THSD4: variants seen among roughly 807,000 people sequenced by gnomAD.
THSD4 encodes thrombospondin type 1 domain containing 4.
Under a neutral mutation model 119.0 loss-of-function variants are expected in THSD4, and 69 were observed. That is an observed-to-expected ratio of 0.58 (90% CI 0.48 to 0.71). The LOEUF (loss-of-function observed/expected upper bound fraction) is 0.71. THSD4 is among the 30% of genes least tolerant of loss of function. The pLI, the probability that THSD4 is intolerant of heterozygous loss-of-function variation, is 0.00. For synonymous variants in THSD4, 524 were observed against 540.4 expected, an observed-to-expected ratio of 0.97 and a Z score of 0.42; for missense variants, 1,393 against 1,391.1, an observed-to-expected ratio of 1.00 and a Z score of -0.02.
intron 7 of THSD4, among the ~76,000 whole-genome samples, chr15:71,434,829 T>G (rs1446498596): frequency 2.0e-5 from 3 of 152,182 alleles, no homozygotes. Context: ...TAGATTTCAA[T>G]GGGGACAAAC....
rs372535873 is a variant in THSD4, at chr15:71,546,025, C to T, written c.1153-114505C>T. Among the ~76,000 whole-genome samples the T allele has an allele frequency of 5.9e-5, 9 of 152,284 alleles. No homozygotes were observed. The East Asian group carries it at 1.7e-3, about 29-fold the overall frequency. Reference sequence around the variant, plus strand: ...TACTTATTTCAGATCAAAGAGAAAGCCTGTGTCTTTAGTAGTTACTGTGTG... The same window carrying T: ...TACTTATTTCAGATCAAAGAGAAAGTCTGTGTCTTTAGTAGTTACTGTGTG... On this transcript the variant is annotated intron_variant, in intron 7 of 17. Coordinates refer to ENST00000261862, the MANE Select transcript of THSD4 (RefSeq NM_024817.3).
chr15:71,124,608 A>G (rs988972655), intron 1 of THSD4, among the ~76,000 whole-genome samples: 8 of 152,232 alleles, frequency 5.3e-5, no homozygotes, highest in African/African-American at 1.9e-4. Flanking sequence ...TGGTACCAAC[A>G]TAGGCGGTTC....
chr15:71,452,654 C>T (rs200179977), intron 7 of THSD4, among the ~76,000 whole-genome samples: 4 of 151,892 alleles, frequency 2.6e-5, no homozygotes, highest in Non-Finnish European at 5.9e-5. Flanking sequence ...TTGCTCTTGT[C>T]GCTCAGGCTG....
At chr15:71,774,400 T>C (rs1429350030) in intron 17 of THSD4, among the ~76,000 whole-genome samples, 1 of 151,894 alleles carries the variant, frequency 6.6e-6, no homozygotes, top group East Asian at 1.9e-4. Context: ...TGGGAGTCCA[T>C]GTTTTTCCAT....
intron 5 of THSD4, 78 bp from the exon 6 acceptor site, chr15:71,256,535 T>C: frequency 9.6e-7 from 1 of 1,039,858 alleles, no homozygotes; most frequent in Non-Finnish European, 1.4e-6. Flanking sequence ...GTTGGAAAGG[T>C]ATCCAGGGTT....
At chr15:71,357,001 T>C (rs762498247) in intron 6 of THSD4, among the ~76,000 whole-genome samples, 5 of 152,108 alleles carry the variant, frequency 3.3e-5, no homozygotes, top group Non-Finnish European at 7.3e-5. Context: ...GACATTGGCC[T>C]TGTGGATTTG....
chr15:71,754,813 C>A (rs1454061913), intron 14 of THSD4, among the ~76,000 whole-genome samples: 1 of 105,884 alleles, frequency 9.4e-6, no homozygotes, highest in Non-Finnish European at 2.4e-5. Context: ...GAAGTGACAA[C>A]CCCAGAGAAG....
chr15:71,777,463 C>G lies in THSD4; in HGVS notation c.*89C>G. The G allele has an allele frequency of 1.3e-6, 2 of 1,503,108 alleles. No homozygotes were observed. The highest frequency in any genetic ancestry group is 8.9e-7 in the Non-Finnish European group (1 of 1,125,514). 93.1% of individuals were successfully genotyped at this position (1,503,108 alleles called of 1,614,324 possible). On this transcript the variant is annotated 3_prime_UTR_variant, in exon 18 of 18. Transcript: ENST00000261862. ...TGGCTGGCTGCTGCTCCACCACGGG[C>G]CCCCTGGCCCAGGCGCTGCCAACCA...
chr15:71,123,848 T>G (rs1316402587), intron 1 of THSD4, among the ~76,000 whole-genome samples: 2 of 152,220 alleles, frequency 1.3e-5, no homozygotes, highest in African/African-American at 4.8e-5. Flanking sequence ...TAATTCAGAC[T>G]TTTCCCCCTA....
At chr15:71,414,666 G>A (rs778900448) in intron 7 of THSD4, among the ~76,000 whole-genome samples, 2 of 152,192 alleles carry the variant, frequency 1.3e-5, no homozygotes, top group Admixed American at 6.5e-5. Flanking sequence ...ATGTCTATTA[G>A]CTGATGATAT....
intron 7 of THSD4, among the ~76,000 whole-genome samples, chr15:71,469,285 C>T (rs1386159326): frequency 6.6e-6 from 1 of 152,204 alleles, no homozygotes; most frequent in Non-Finnish European, 1.5e-5. Context: ...GTTGTCATGG[C>T]TTTGTCCTCA....
chr15:71,415,049 T>C (rs1002488302), intron 7 of THSD4, among the ~76,000 whole-genome samples: 1 of 152,280 alleles, frequency 6.6e-6, no homozygotes, highest in African/African-American at 2.4e-5. Context: ...TTGATTTCTC[T>C]ACTTCTCTGA....
intron 7 of THSD4, among the ~76,000 whole-genome samples, chr15:71,657,929 T>A (rs997875380): frequency 6.6e-6 from 1 of 152,254 alleles, no homozygotes. Flanking sequence ...CTATCCATGC[T>A]AGTGTAATTT....
chr15:71,104,561 G>A lies in THSD4; in HGVS notation c.-80+7555G>A, dbSNP rs1176266488. 3.3e-5 allele frequency among the ~76,000 whole-genome samples: 5 copies of A among 152,328 alleles called. No homozygotes were observed. The East Asian group carries it at 9.6e-4, about 29-fold the overall frequency. The stretch of plus-strand genomic sequence containing the variant: ...AGGTTTCTTCTGAGCCAATATGAGT[G>A]ACCATGGCCTAGAGAACACAGTCTC... On this transcript the variant is annotated intron_variant, in intron 1 of 17. Coordinates refer to the THSD4 transcript ENST00000355327.
At chr15:71,478,776 G>C (rs905813328) in intron 7 of THSD4, among the ~76,000 whole-genome samples, 2 of 152,300 alleles carry the variant, frequency 1.3e-5, no homozygotes, top group African/African-American at 4.8e-5. Flanking sequence ...CAAATGAGGG[G>C]ACCACAAAGG....
At chr15:71,259,690 T>A (rs776639512) in intron 6 of THSD4, among the ~76,000 whole-genome samples, 1 of 152,208 alleles carries the variant, frequency 6.6e-6, no homozygotes, top group Non-Finnish European at 1.5e-5. Context: ...TGGTCTGGGA[T>A]GCAGTCTGAA....
chr15:71,106,867 TA>T (rs35886943), intron 1 of THSD4, among the ~76,000 whole-genome samples: 2,847 of 144,360 alleles, frequency 0.02, 87 homozygotes, highest in African/African-American at 0.063. Flanking sequence ...CTACCAGCTT[TA>T]AAAAAAAAAA....
At chr15:71,412,046 T>G (rs537596616) in intron 7 of THSD4, among the ~76,000 whole-genome samples, 1 of 152,308 alleles carries the variant, frequency 6.6e-6, no homozygotes, top group African/African-American at 2.4e-5. Context: ...GCATTCCCAT[T>G]ATTAAGTGAT....
intron 7 of THSD4, among the ~76,000 whole-genome samples, chr15:71,570,828 A>G (rs537042325): frequency 6.6e-6 from 1 of 152,276 alleles, no homozygotes; most frequent in South Asian, 2.1e-4. Context: ...CTTGTCTGGG[A>G]AGATTCATTC....
Sources: gnomAD v4.1 joint callset for allele counts (sites outside exome capture counted in the v4.1 genomes callset) on GRCh38, gnomAD v4.1.1 for gene constraint, MANE v1.5 for transcripts, NCBI Gene and HGNC (gene_info 2026-07-23, HGNC 2026-07-21) for gene names.